The following GCH1 variants were observed in gnomAD, a reference collection of about 807,000 sequenced individuals.
GCH1 encodes the protein GTP cyclohydrolase 1.
GCH1 carries 5 observed loss-of-function variants against 25.9 expected under a neutral mutation model. The observed-to-expected ratio is 0.19, with a 90% CI of 0.10 to 0.41. The LOEUF is 0.41. GCH1 is among the 10% of genes least tolerant of loss of function. GCH1 has a pLI of 1.00. For missense variants in GCH1, 261 were observed against 336.5 expected (o/e 0.78, Z 1.75); for synonymous variants, 159 against 129.6 (o/e 1.23, Z -1.54).
chr14:54,889,231 G>A (rs1212888794), intron 1 of GCH1, among the ~76,000 whole-genome samples: 2 of 152,232 alleles, frequency 1.3e-5, no homozygotes, highest in African/African-American at 2.4e-5. Context: ...CAGCAGCTAT[G>A]CCTTAAAGTC....
Position 54,843,775 on chromosome 14 carries a change from T to C in GCH1, c.*242A>G, listed in dbSNP as rs766586234. The C allele has an allele frequency of 6.2e-7, 1 of 1,614,128 alleles. No homozygotes were observed. Among genetic ancestry groups the C allele is most frequent in the Non-Finnish European group, 8.5e-7 (1 of 1,179,960 alleles). On this transcript the variant is annotated 3_prime_UTR_variant, in exon 6 of 6. Coordinates refer to ENST00000491895, the MANE Select transcript of GCH1 (RefSeq NM_000161.3). The stretch of plus-strand genomic sequence containing the variant: ...TTATCTGGCAGTGGTTTTGTGCACG[T>C]ACTTACACTATTAGCAGTTCACTTT...
intron 1 of GCH1, among the ~76,000 whole-genome samples, chr14:54,896,266 T>C (rs933102375): frequency 5.3e-5 from 8 of 152,132 alleles, no homozygotes; most frequent in Non-Finnish European, 1.0e-4. Context: ...ACTTGACTCA[T>C]GCTCTCTAAA....
At chr14:54,865,096 A>G (rs1330141739) in intron 2 of GCH1, among the ~76,000 whole-genome samples, 1 of 151,444 alleles carries the variant, frequency 6.6e-6, no homozygotes, top group Non-Finnish European at 1.5e-5. Context: ...ATTTTAACCT[A>G]TGAACCTGGT....
intron 3 of GCH1, among the ~76,000 whole-genome samples, chr14:54,854,704 A>G (rs1053894166): frequency 2.0e-5 from 3 of 152,248 alleles, no homozygotes; most frequent in Non-Finnish European, 4.4e-5. Flanking sequence ...AACTCAGTGG[A>G]AAAATTAATA....
chr14:54,857,412 T>C (rs187896496), intron 3 of GCH1, among the ~76,000 whole-genome samples: 5 of 152,324 alleles, frequency 3.3e-5, no homozygotes, highest in East Asian at 3.9e-4. Context: ...TGATCAACAG[T>C]TGGTTTTTCA....
In GCH1 at chr14:54,843,202, G is replaced by A; in HGVS notation, c.*815C>T. ...AATAAACCTATAAAGTTAAAACTGA[G>A]CTGACTAGTTATTTGCAGTGTGAGT... On this transcript the variant is annotated 3_prime_UTR_variant, in exon 6 of 6. Coordinates refer to ENST00000491895, the MANE Select transcript of GCH1 (RefSeq NM_000161.3). 1 of 1,447,570 alleles carries A rather than the reference G, an allele frequency of 6.9e-7. No individual in the cohort carries two copies. The allele number at this position is 1,447,570 out of a possible 1,614,324, so 89.7% of individuals were successfully genotyped here. A position where few individuals can be genotyped will look rare whatever the true frequency, so the allele number is the denominator to read the frequency against.
intron 3 of GCH1, chr14:54,859,464 A>G (rs959488904): frequency 1.7e-6 from 1 of 571,852 alleles, no homozygotes; most frequent in Non-Finnish European, 3.2e-6. Context: ...GTATGTATCT[A>G]TGGAAGAAAG....
At chr14:54,855,504 T>TAAAAAAAAA (rs2039795792) in intron 3 of GCH1, among the ~76,000 whole-genome samples, 1 of 36,370 alleles carries the variant, frequency 2.7e-5, no homozygotes, top group African/African-American at 2.9e-4. Flanking sequence ...AGACCCTGTC[T>TAAAAAAAAA]CAAAAAAAAA....
intron 3 of GCH1, among the ~76,000 whole-genome samples, chr14:54,853,849 C>T (rs563754330): frequency 6.6e-6 from 1 of 152,174 alleles, no homozygotes; most frequent in South Asian, 2.1e-4. Context: ...TATTTATACA[C>T]ATGCAAAATT....
chr14:54,870,440 T>C (rs1436709805), intron 1 of GCH1, among the ~76,000 whole-genome samples: 1 of 146,516 alleles, frequency 6.8e-6, no homozygotes, highest in Non-Finnish European at 1.5e-5. Context: ...ATAAGACGGG[T>C]GATTTCTGCA....
chr14:54,886,085 AG>A (rs937669199), intron 1 of GCH1: 2 of 176,400 alleles, frequency 1.1e-5, no homozygotes, highest in Non-Finnish European at 2.5e-5. Context: ...TCTTTGAGCC[AG>A]GTAATAGACT....
At position 54,858,554 on chromosome 14, in the gene GCH1, G is replaced by C. The variant is rs542061713; in HGVS notation, c.509+1127C>G. On this transcript the variant is annotated intron_variant, in intron 3 of 5. Transcript: ENST00000491895. ...GCCCGCCTCAGCCTCCCAAAGTGCTGGGATTACAAGTGTGAAAGACGGCAC... is the reference window on the plus strand; with the variant it reads ...GCCCGCCTCAGCCTCCCAAAGTGCTCGGATTACAAGTGTGAAAGACGGCAC... Among the ~76,000 whole-genome samples, 8 of 152,078 alleles carry C rather than the reference G, an allele frequency of 5.3e-5. No individual in the cohort carries two copies. The South Asian group carries it at 1.7e-3, about 32-fold the overall frequency.
intron 3 of GCH1, among the ~76,000 whole-genome samples, chr14:54,857,739 G>A (rs2039834205): frequency 6.6e-6 from 1 of 152,152 alleles, no homozygotes; most frequent in African/African-American, 2.4e-5. Context: ...TACATCATTA[G>A]TTGAGGGTAA....
At position 54,891,885 on chromosome 14, in the gene GCH1, T is replaced by G. The variant is rs148537100; in HGVS notation, c.343+10436A>C. Reference sequence around the variant, plus strand: ...ATCAAATCAACCTTCAGTTTTGCAGTGTTTGTTTTCAAGTAACCCTTATTT... The same window carrying G: ...ATCAAATCAACCTTCAGTTTTGCAGGGTTTGTTTTCAAGTAACCCTTATTT... On this transcript the variant is annotated intron_variant, in intron 1 of 5. Coordinates refer to ENST00000491895, the MANE Select transcript of GCH1 (RefSeq NM_000161.3). 2.0e-3 allele frequency among the ~76,000 whole-genome samples: 309 copies of G among 152,300 alleles called. 3 individuals carry two copies. The highest frequency in any genetic ancestry group is 7.0e-3 in the African/African-American group (292 of 41,570).
At chr14:54,844,266 T>A in intron 5 of GCH1, 123 bp from the exon 6 acceptor site, 1 of 776,964 alleles carries the variant, frequency 1.3e-6, no homozygotes. Context: ...TATCCCTTCT[T>A]ACACAAATGT....
intron 1 of GCH1, 147 bp downstream of exon 1, chr14:54,902,174 C>A: frequency 1.2e-6 from 1 of 837,174 alleles, no homozygotes; most frequent in Admixed American, 2.2e-5. Flanking sequence ...GGCAGGGCGG[C>A]AGGCTAGGGC....
intron 4 of GCH1, among the ~76,000 whole-genome samples, chr14:54,846,798 T>C (rs548272597): frequency 1.1e-4 from 16 of 152,322 alleles, no homozygotes; most frequent in African/African-American, 3.8e-4. Flanking sequence ...CAGTGGCTCA[T>C]GCCTGTAATC....
intron 1 of GCH1, among the ~76,000 whole-genome samples, chr14:54,874,101 G>T (rs1408190949): frequency 6.6e-6 from 1 of 152,086 alleles, no homozygotes; most frequent in Non-Finnish European, 1.5e-5. Flanking sequence ...TCAAAAAAAT[G>T]CTGGCTAACC....
At chr14:54,870,053 G>T (rs2040047191) in intron 1 of GCH1, among the ~76,000 whole-genome samples, 1 of 152,142 alleles carries the variant, frequency 6.6e-6, no homozygotes, top group Admixed American at 6.5e-5. Flanking sequence ...CAAAAGGAAA[G>T]AAAGAAACTT....
Sources: gnomAD v4.1 joint callset for allele counts (sites outside exome capture counted in the v4.1 genomes callset) on GRCh38, gnomAD v4.1.1 for gene constraint, MANE v1.5 for transcripts, NCBI Gene and HGNC (gene_info 2026-07-23, HGNC 2026-07-21) for gene names.